Variants in MUCL1 observed in about 807,000 individuals in gnomAD.
The protein encoded by MUCL1 is mucin-like protein 1.
In MUCL1, 11 loss-of-function variants were observed where a neutral mutation model predicts 9.2. That is an observed-to-expected ratio of 1.19 (90% CI 0.75 to 1.97). The LOEUF (loss-of-function observed/expected upper bound fraction) is 1.97, where lower values mean the gene tolerates loss of function less well. Ranked by LOEUF, MUCL1 falls within the 30% of genes most tolerant of loss-of-function variation. MUCL1 has a pLI of 0.00. For synonymous variants in MUCL1, 48 were observed against 40.5 expected, an observed-to-expected ratio of 1.19 and a Z score of -0.71; for missense variants, 144 against 110.9, an observed-to-expected ratio of 1.30 and a Z score of -1.34.
chr12:54,854,683 T>C (rs778786484), intron 1 of MUCL1, 43 bp downstream of exon 1: 2 of 1,532,318 alleles, frequency 1.3e-6, no homozygotes, highest in East Asian at 2.3e-5. Flanking sequence ...TGTGGGAATA[T>C]ACATAAAATA....
upstream of MUCL1, among the ~76,000 whole-genome samples, chr12:54,836,379 A>C (rs1959193115): frequency 6.6e-6 from 1 of 152,108 alleles, no homozygotes; most frequent in Non-Finnish European, 1.5e-5. Context: ...AGTTGTGTAC[A>C]TAGAGGTGTT....
intron 1 of MUCL1, 82 bp downstream of exon 1, chr12:54,854,722 G>T: frequency 7.7e-7 from 1 of 1,305,108 alleles, no homozygotes; most frequent in Admixed American, 1.9e-5. Context: ...GCTTATGGTT[G>T]CTTAGAATGT....
chr12:54,853,157 T>A, upstream of MUCL1, among the ~76,000 whole-genome samples: 1 of 152,172 alleles, frequency 6.6e-6, no homozygotes, highest in South Asian at 2.1e-4. Context: ...ATTACAGAGA[T>A]CCTTCCAATG....
rs1868316452 is a variant in MUCL1, at chr12:54,858,316, C to A, written c.*74C>A. 6.5e-6 allele frequency: 10 copies of A among 1,547,190 alleles called. No individual in the cohort carries two copies. The highest frequency in any genetic ancestry group is 8.9e-6 in the Non-Finnish European group (10 of 1,119,646). On this transcript the variant is annotated 3_prime_UTR_variant, in exon 4 of 4. Transcript: ENST00000308796. The stretch of plus-strand genomic sequence containing the variant: ...TCCTGTGATTTCATCCAACTACTTA[C>A]CTTGCCTACGATATCCCCTTTATCT...
chr12:54,837,323 A>G (rs1959194350), upstream of MUCL1, among the ~76,000 whole-genome samples: 1 of 152,086 alleles, frequency 6.6e-6, no homozygotes, highest in Admixed American at 6.5e-5. Flanking sequence ...TCCTTTTCCC[A>G]TTATATAATG....
At chr12:54,850,751 G>T (rs761499780), upstream of MUCL1, among the ~76,000 whole-genome samples, 2 of 152,178 alleles carry the variant, frequency 1.3e-5, no homozygotes, top group Admixed American at 6.5e-5. Context: ...TTCCACAAGG[G>T]TTGAACTAGT....
At chr12:54,849,782 C>T (rs948719413), upstream of MUCL1, among the ~76,000 whole-genome samples, 2 of 152,034 alleles carry the variant, frequency 1.3e-5, no homozygotes, top group African/African-American at 2.4e-5. Context: ...ACATATGATA[C>T]TTTATGCTTG....
At chr12:54,856,967 A>T in intron 3 of MUCL1, 75 bp downstream of exon 3, 1 of 1,597,048 alleles carries the variant, frequency 6.3e-7, no homozygotes, top group Non-Finnish European at 8.5e-7. Flanking sequence ...TCTCACAGAG[A>T]CTCTATTTTT....
chr12:54,841,426 T>A (rs1959210904), intron 1 of MUCL1, among the ~76,000 whole-genome samples: 1 of 152,142 alleles, frequency 6.6e-6, no homozygotes, highest in Non-Finnish European at 1.5e-5. Flanking sequence ...CATACAGTTT[T>A]CCATAATGGT....
At chr12:54,844,101 A>T (rs1479549727) in intron 1 of MUCL1, among the ~76,000 whole-genome samples, 1 of 152,154 alleles carries the variant, frequency 6.6e-6, no homozygotes, top group Non-Finnish European at 1.5e-5. Context: ...AGGCTTTGGC[A>T]TCAAGGATAT....
chr12:54,840,695 T>A, intron 1 of MUCL1, among the ~76,000 whole-genome samples: 1 of 152,162 alleles, frequency 6.6e-6, no homozygotes, highest in Non-Finnish European at 1.5e-5. Context: ...GTATAAGCAG[T>A]GACTCCAGTG....
At chr12:54,843,462 A>G (rs1022117230) in intron 1 of MUCL1, among the ~76,000 whole-genome samples, 1 of 152,208 alleles carries the variant, frequency 6.6e-6, no homozygotes, top group African/African-American at 2.4e-5. Context: ...AATGCCTGAA[A>G]CCTGCATTTA....
chr12:54,857,121 C>T (rs1389293671), intron 3 of MUCL1, among the ~76,000 whole-genome samples: 1 of 151,926 alleles, frequency 6.6e-6, no homozygotes, highest in African/African-American at 2.4e-5. Context: ...GAAATATTGA[C>T]ATTTATTAAG....
chr12:54,837,691 C>T (rs1390224450), upstream of MUCL1, among the ~76,000 whole-genome samples: 2 of 152,154 alleles, frequency 1.3e-5, no homozygotes, highest in Non-Finnish European at 1.5e-5. Flanking sequence ...ATGGCGTGAA[C>T]CCAGGAGGCG....
At chr12:54,850,487 A>G (rs1358857889), upstream of MUCL1, among the ~76,000 whole-genome samples, 2 of 151,758 alleles carry the variant, frequency 1.3e-5, no homozygotes, top group Non-Finnish European at 2.9e-5. Context: ...AAGGACATGA[A>G]CTCATCATTT....
At chr12:54,832,338 G>A (rs935919417) in intron 1 of MUCL1, among the ~76,000 whole-genome samples, 1 of 152,086 alleles carries the variant, frequency 6.6e-6, no homozygotes, top group Non-Finnish European at 1.5e-5. Flanking sequence ...CTTAATAAGA[G>A]ATTGTGAAAG....
At chr12:54,849,850 ATAT>A (rs1331421037), upstream of MUCL1, among the ~76,000 whole-genome samples, 2 of 152,316 alleles carry the variant, frequency 1.3e-5, no homozygotes, top group African/African-American at 4.8e-5. Flanking sequence ...AAGCATTATA[ATAT>A]TATCAAAATC....
At chr12:54,857,340 T>C (rs1268072486) in intron 3 of MUCL1, among the ~76,000 whole-genome samples, 2 of 151,710 alleles carry the variant, frequency 1.3e-5, no homozygotes, top group African/African-American at 2.4e-5. Context: ...TTTCCCAAAA[T>C]AGAAAATAGC....
At chr12:54,857,215 T>C (rs1035481780) in intron 3 of MUCL1, among the ~76,000 whole-genome samples, 1 of 148,996 alleles carries the variant, frequency 6.7e-6, no homozygotes, top group African/African-American at 2.5e-5. Context: ...ATTATTATTA[T>C]TTTTTTAAAT....
Sources: allele counts gnomAD v4.1 joint callset (sites outside exome capture counted in the v4.1 genomes callset), GRCh38; gene constraint gnomAD v4.1.1; transcripts MANE v1.5; gene names NCBI Gene and HGNC (gene_info 2026-07-23, HGNC 2026-07-21).